CPD: variants seen among roughly 807,000 people sequenced by gnomAD.
CPD encodes metallocarboxypeptidase D.
Under a neutral mutation model 138.3 loss-of-function variants are expected in CPD, and 69 were observed. The observed-to-expected ratio is 0.50, with a 90% CI of 0.41 to 0.61. CPD has a LOEUF of 0.61. Among genes scored for constraint, CPD ranks in the 20% least tolerant of loss-of-function variants. CPD has a pLI of 0.00. For missense variants in CPD, 1,432 were observed against 1,733.3 expected, an observed-to-expected ratio of 0.83 and a Z score of 3.09; for synonymous variants, 651 against 642.1, an observed-to-expected ratio of 1.01 and a Z score of -0.21.
intron 2 of CPD, among the ~76,000 whole-genome samples, chr17:30,409,519 C>T (rs1416762411): frequency 6.6e-6 from 1 of 151,914 alleles, no homozygotes; most frequent in African/African-American, 2.4e-5. Flanking sequence ...GCTATTATTG[C>T]CTCAATTTCA....
chr17:30,463,615 T>C (rs1181065112), intron 20 of CPD, among the ~76,000 whole-genome samples: 4 of 152,226 alleles, frequency 2.6e-5, no homozygotes, highest in Non-Finnish European at 5.9e-5. Flanking sequence ...CTATACTTTA[T>C]CTATTTGATA....
intron 2 of CPD, among the ~76,000 whole-genome samples, chr17:30,397,662 T>C (rs1911543283): frequency 7.4e-6 from 1 of 134,692 alleles, no homozygotes; most frequent in Non-Finnish European, 1.5e-5. Flanking sequence ...CACTTGAGCC[T>C]GGAGGGCAAG....
In CPD at chr17:30,379,157, C is replaced by T; in HGVS notation, c.177C>T (p.Tyr59=). ...CCGAGGGCCAGTTCGACCGCTACTA[C>T]CACGAAGAGGAGTTGGAGTCGGCGC... ...EAAEGQFDRY[Y]HEEELESALR... The change falls in exon 1 of 21, where the codon TAC becomes TAT. Residue 59 remains tyrosine (Y), a synonymous_variant. Coordinates refer to ENST00000225719, the MANE Select transcript of CPD (RefSeq NM_001304.5). This position sits in a 1 kb window ranked among gnomAD's most constrained non-coding sequence, Gnocchi z 7.0. 6.5e-7 allele frequency: 1 copy of T among 1,536,176 alleles called. No individual in the cohort carries two copies.
intron 2 of CPD, among the ~76,000 whole-genome samples, chr17:30,396,105 A>G (rs1911501091): frequency 6.6e-6 from 1 of 152,210 alleles, no homozygotes. Flanking sequence ...GTACAAAATT[A>G]TCACTTAATA....
chr17:30,417,185 T>C (rs1912132875), intron 2 of CPD, among the ~76,000 whole-genome samples: 2 of 152,162 alleles, frequency 1.3e-5, no homozygotes. Flanking sequence ...GCTTCCCCTA[T>C]GTAAGAATTC....
intron 2 of CPD, among the ~76,000 whole-genome samples, chr17:30,416,280 C>T (rs1250665646): frequency 2.6e-5 from 4 of 151,954 alleles, no homozygotes; most frequent in African/African-American, 4.8e-5. Flanking sequence ...TGCGGTGAGC[C>T]GAGATTGAGC....
intron 6 of CPD, among the ~76,000 whole-genome samples, chr17:30,426,069 G>T (rs146061918): frequency 2.0e-5 from 3 of 151,834 alleles, no homozygotes; most frequent in African/African-American, 4.8e-5. Flanking sequence ...GCGTGGTGGC[G>T]CACACCTGTA....
At chr17:30,391,689 A>T (rs1014774647) in intron 2 of CPD, among the ~76,000 whole-genome samples, 1 of 152,086 alleles carries the variant, frequency 6.6e-6, no homozygotes, top group Non-Finnish European at 1.5e-5. Context: ...GGTGTGGGTG[A>T]GAGACAAATT....
In CPD at chr17:30,378,938, T is replaced by C; in HGVS notation, c.-43T>C. On this transcript the variant is annotated 5_prime_UTR_variant, in exon 1 of 21. Coordinates refer to ENST00000225719, the MANE Select transcript of CPD (RefSeq NM_001304.5). ...GGCGGGCCCCCGCCGCCCGGAGCGCTGAGCCGCGGGAGCGGAGCCGGGGTT... is the reference window on the plus strand; with the variant it reads ...GGCGGGCCCCCGCCGCCCGGAGCGCCGAGCCGCGGGAGCGGAGCCGGGGTT... 3 of 1,415,534 alleles carry C rather than the reference T, an allele frequency of 2.1e-6. No individual in the cohort carries two copies. Among genetic ancestry groups the C allele is most frequent in the South Asian group, 1.5e-5 (1 of 64,944 alleles). 87.7% of individuals were successfully genotyped at this position (1,415,534 alleles called of 1,614,324 possible). A position where few individuals can be genotyped will look rare whatever the true frequency, so the allele number is the denominator to read the frequency against.
chr17:30,392,092 C>T lies in CPD; in HGVS notation c.994+6856C>T, dbSNP rs574281381. Among the ~76,000 whole-genome samples, 102 of 151,692 alleles carry T rather than the reference C, an allele frequency of 6.7e-4. 1 individual carries two copies. Among genetic ancestry groups the T allele is most frequent in the Admixed American group, 2.2e-3 (33 of 15,250 alleles). On this transcript the variant is annotated intron_variant, in intron 2 of 20. Coordinates refer to ENST00000225719, the MANE Select transcript of CPD (RefSeq NM_001304.5). The stretch of plus-strand genomic sequence containing the variant: ...TGGCGCAATCTCGGCTCACTGCAGC[C>T]TCTGCCTCCCAGGTTCCAGCGATTC...
At chr17:30,411,046 A>G (rs949383925) in intron 2 of CPD, among the ~76,000 whole-genome samples, 1 of 152,162 alleles carries the variant, frequency 6.6e-6, no homozygotes, top group Admixed American at 6.5e-5. Flanking sequence ...CTTGTAAGGC[A>G]GGTCTGGTGG....
At chr17:30,411,776 T>C (rs1194878967) in intron 2 of CPD, among the ~76,000 whole-genome samples, 1 of 152,204 alleles carries the variant, frequency 6.6e-6, no homozygotes. Context: ...TTTTCAAGGT[T>C]TTTAGCTTCC....
chr17:30,413,621 A>G (rs1490324465), intron 2 of CPD, among the ~76,000 whole-genome samples: 1 of 152,218 alleles, frequency 6.6e-6, no homozygotes, highest in Non-Finnish European at 1.5e-5. Flanking sequence ...TGTGGCAGGT[A>G]CTGTTTTAGT....
At chr17:30,447,210 T>C (rs1389776279) in intron 12 of CPD, among the ~76,000 whole-genome samples, 1 of 152,228 alleles carries the variant, frequency 6.6e-6, no homozygotes, top group Non-Finnish European at 1.5e-5. Context: ...TTGGCTTTTG[T>C]TGCCATTGCT....
rs1286151436 is a variant in CPD, at chr17:30,467,711, T to G, written c.*2897T>G. On this transcript the variant is annotated 3_prime_UTR_variant, in exon 21 of 21. Transcript: ENST00000225719. ...TGTTTATGTCTGAGCTTATTGTGTT[T>G]GAGCTAACACCAGGTTACTCAGTAA... 6.6e-6 allele frequency: 1 copy of G among 152,202 alleles called. No individual in the cohort carries two copies. Among genetic ancestry groups the G allele is most frequent in the Non-Finnish European group, 1.5e-5 (1 of 68,014 alleles). The allele number at this position is 152,202 out of a possible 1,614,324, so 9.4% of individuals were successfully genotyped here. A position where few individuals can be genotyped will look rare whatever the true frequency, so the allele number is the denominator to read the frequency against.
intron 2 of CPD, among the ~76,000 whole-genome samples, chr17:30,388,568 G>C (rs771989618): frequency 1.3e-5 from 2 of 152,188 alleles, no homozygotes; most frequent in Non-Finnish European, 2.9e-5. Context: ...AGGAGCAGAC[G>C]CAAGAATGGG....
At chr17:30,437,352 T>G (rs990657737) in intron 8 of CPD, among the ~76,000 whole-genome samples, 2 of 152,036 alleles carry the variant, frequency 1.3e-5, no homozygotes, top group African/African-American at 4.8e-5. Context: ...GGAGGATCCA[T>G]TCTGTATTCG....
intron 6 of CPD, among the ~76,000 whole-genome samples, chr17:30,424,584 G>A (rs1912352665): frequency 6.6e-6 from 1 of 152,196 alleles, no homozygotes; most frequent in Non-Finnish European, 1.5e-5. Context: ...TATTTCATAA[G>A]TGAAAAACCA....
At chr17:30,409,741 CTCTTT>C (rs1364472875) in intron 2 of CPD, among the ~76,000 whole-genome samples, 1 of 108,530 alleles carries the variant, frequency 9.2e-6, no homozygotes, top group Non-Finnish European at 1.9e-5. Context: ...TGATTCTTCT[CTCTTT>C]TCTTCTTTAT....
Sources: gnomAD v4.1 joint callset for allele counts (sites outside exome capture counted in the v4.1 genomes callset) on GRCh38, gnomAD v4.1.1 for gene constraint, Gnocchi (gnomAD v3.1) non-coding constraint, MANE v1.5 for transcripts, NCBI Gene and HGNC (gene_info 2026-07-23, HGNC 2026-07-21) for gene names.